CREB5: variants seen among roughly 807,000 people sequenced by gnomAD.
CREB5 encodes the protein cyclic AMP-responsive element-binding protein 5.
CREB5 carries 19 observed loss-of-function variants against 57.1 expected under a neutral mutation model. That is an observed-to-expected ratio of 0.33 (90% confidence interval 0.23 to 0.49). The LOEUF (loss-of-function observed/expected upper bound fraction) is 0.49. Among genes scored for constraint, CREB5 ranks in the 20% least tolerant of loss-of-function variants. CREB5 has a pLI of 0.99. For synonymous variants in CREB5, 238 were observed against 238.3 expected, an observed-to-expected ratio of 1.00 and a Z score of 0.01; for missense variants, 579 against 671.6, an observed-to-expected ratio of 0.86 and a Z score of 1.52.
chr7:28,312,155 T>C (rs1785290899), intron 1 of CREB5, among the ~76,000 whole-genome samples: 1 of 151,706 alleles, frequency 6.6e-6, no homozygotes, highest in Admixed American at 6.6e-5. Context: ...TTTAATTTCA[T>C]TTCATTTTAG....
intron 9 of CREB5, among the ~76,000 whole-genome samples, chr7:28,817,224 T>A (rs1388210928): frequency 6.6e-6 from 1 of 152,126 alleles, no homozygotes; most frequent in African/African-American, 2.4e-5. Flanking sequence ...GGCCCAAAAC[T>A]TCATTGCCTC....
chr7:28,576,891 A>T (rs978352071), intron 5 of CREB5, among the ~76,000 whole-genome samples: 8 of 152,204 alleles, frequency 5.3e-5, no homozygotes, highest in Non-Finnish European at 1.0e-4. Flanking sequence ...TTTGGAAAAG[A>T]TAGGCACAAA....
intron 5 of CREB5, among the ~76,000 whole-genome samples, chr7:28,592,764 G>T (rs1200126574): frequency 1.3e-5 from 2 of 152,190 alleles, no homozygotes; most frequent in Non-Finnish European, 2.9e-5. Flanking sequence ...TAACAATAGT[G>T]ATCAGTTGAT....
intron 1 of CREB5, among the ~76,000 whole-genome samples, chr7:28,417,416 T>G (rs117433379): frequency 0.054 from 8,249 of 151,760 alleles, 314 homozygotes; most frequent in Admixed American, 0.077. Flanking sequence ...ACAACATATC[T>G]CAATTTGGAC....
intron 5 of CREB5, among the ~76,000 whole-genome samples, chr7:28,714,609 T>G (rs774625213): frequency 3.3e-5 from 5 of 152,200 alleles, no homozygotes; most frequent in Non-Finnish European, 5.9e-5. Flanking sequence ...AATGAGGACA[T>G]GAAATCGCTT....
At chr7:28,560,841 T>TGTGCGCGCGTGC (rs1795097443) in intron 4 of CREB5, among the ~76,000 whole-genome samples, 2 of 75,062 alleles carry the variant, frequency 2.7e-5, no homozygotes, top group Admixed American at 1.2e-4. Flanking sequence ...CGCGTGTGTG[T>TGTGCGCGCGTGC]GTGCGCGTGT....
At chr7:28,590,672 T>TATAATAATAATAATA (rs71555752) in intron 5 of CREB5, among the ~76,000 whole-genome samples, 52 of 142,972 alleles carry the variant, frequency 3.6e-4, no homozygotes, top group Middle Eastern at 3.7e-3. Context: ...GAACTTAAAG[T>TATAATAATAATAATA]ATAATAATAA....
At chr7:28,602,002 A>G (rs955448165) in intron 5 of CREB5, among the ~76,000 whole-genome samples, 14 of 147,824 alleles carry the variant, frequency 9.5e-5, no homozygotes, top group Non-Finnish European at 1.5e-4. Flanking sequence ...GTGAATGTAT[A>G]TTTTTATACA....
intron 1 of CREB5, among the ~76,000 whole-genome samples, chr7:28,325,513 G>T (rs1785579632): frequency 6.6e-6 from 1 of 151,858 alleles, no homozygotes; most frequent in Non-Finnish European, 1.5e-5. Context: ...GGCTTCCCTT[G>T]ATGCTGGGAA....
At chr7:28,767,384 G>T (rs981582819) in intron 7 of CREB5, among the ~76,000 whole-genome samples, 1 of 152,166 alleles carries the variant, frequency 6.6e-6, no homozygotes, top group African/African-American at 2.4e-5. Flanking sequence ...CTCTTGAGTT[G>T]ATATATTCAT....
intron 1 of CREB5, among the ~76,000 whole-genome samples, chr7:28,451,303 T>A (rs185863650): frequency 6.6e-6 from 1 of 152,168 alleles, no homozygotes; most frequent in Non-Finnish European, 1.5e-5. Flanking sequence ...ATTCCTCAGA[T>A]CTAAAGTTAT....
chr7:28,674,716 C>T (rs2128721227), intron 5 of CREB5, among the ~76,000 whole-genome samples: 1 of 152,378 alleles, frequency 6.6e-6, no homozygotes, highest in South Asian at 2.1e-4. Flanking sequence ...TGTATCACTA[C>T]TCATCCAGAC....
At chr7:28,692,452 C>T (rs1293015591) in intron 5 of CREB5, among the ~76,000 whole-genome samples, 1 of 152,194 alleles carries the variant, frequency 6.6e-6, no homozygotes, top group African/African-American at 2.4e-5. Flanking sequence ...CAGGCATCTA[C>T]TAATCAGAGA....
At chr7:28,336,555 G>T (rs1269027870) in intron 1 of CREB5, among the ~76,000 whole-genome samples, 5 of 151,612 alleles carry the variant, frequency 3.3e-5, no homozygotes, top group Admixed American at 1.3e-4. Context: ...CCTTTTTCAT[G>T]TCTGATTTTG....
Position 28,387,384 on chromosome 7 carries a change from T to A in CREB5, c.-25+87943T>A, listed in dbSNP as rs75018875. On this transcript the variant is annotated intron_variant, in intron 1 of 9. Coordinates refer to the CREB5 transcript ENST00000396299. ...GGTTGAATGTATGTCTTTTGAGAAG[T>A]ATTTGTTCATGTCCTTTGCCCACTT... 9.5e-4 allele frequency among the ~76,000 whole-genome samples: 144 copies of A among 152,338 alleles called. 1 individual carries two copies. Among genetic ancestry groups the A allele is most frequent in the African/African-American group, 3.2e-3 (133 of 41,578 alleles).
intron 7 of CREB5, among the ~76,000 whole-genome samples, chr7:28,802,796 C>T (rs1032132435): frequency 3.3e-5 from 5 of 152,234 alleles, no homozygotes; most frequent in African/African-American, 4.8e-5. Context: ...AAATCTGGCC[C>T]GCTGCCTAAT....
chr7:28,605,384 T>C (rs757832838), intron 5 of CREB5, among the ~76,000 whole-genome samples: 1 of 152,240 alleles, frequency 6.6e-6, no homozygotes, highest in Non-Finnish European at 1.5e-5. Context: ...CACCTTCTCC[T>C]CTGATTCCAT....
intron 5 of CREB5, among the ~76,000 whole-genome samples, chr7:28,608,659 C>G (rs1797271992): frequency 6.6e-6 from 1 of 152,172 alleles, no homozygotes; most frequent in Non-Finnish European, 1.5e-5. Context: ...AACTTTAAAA[C>G]TATTTTAAAA....
chr7:28,810,167 A>G (rs1319996626), intron 9 of CREB5, among the ~76,000 whole-genome samples: 4 of 152,116 alleles, frequency 2.6e-5, no homozygotes, highest in Non-Finnish European at 5.9e-5. Flanking sequence ...TTTATAGATT[A>G]TAATGATGCA....
Sources: allele counts gnomAD v4.1 joint callset (sites outside exome capture counted in the v4.1 genomes callset), GRCh38; gene constraint gnomAD v4.1.1; transcripts MANE v1.5; gene names NCBI Gene and HGNC (gene_info 2026-07-23, HGNC 2026-07-21).